Variants in NUGGC observed in about 807,000 individuals in gnomAD.
The protein encoded by NUGGC is nuclear GTPase SLIP-GC.
NUGGC carries 58 observed loss-of-function variants against 92.6 expected under a neutral mutation model. That is an observed-to-expected ratio of 0.63 (90% confidence interval 0.51 to 0.78). The LOEUF (loss-of-function observed/expected upper bound fraction) is 0.78, where lower values mean the gene tolerates loss of function less well. Among genes scored for constraint, NUGGC ranks in the 30% least tolerant of loss-of-function variants. The probability of loss-of-function intolerance (pLI) is 0.00; values close to 1 mark genes in which losing one functional copy is unlikely to be tolerated. For missense variants in NUGGC, 925 were observed against 964.6 expected (o/e 0.96, Z 0.54); for synonymous variants, 376 against 366.4 (o/e 1.03, Z -0.30).
At chr8:28,034,662 C>T (rs373116221) in intron 13 of NUGGC, among the ~76,000 whole-genome samples, 1 of 151,900 alleles carries the variant, frequency 6.6e-6, no homozygotes, top group African/African-American at 2.4e-5. Context: ...ACTAAAAATA[C>T]AAAAATTAGC....
Position 28,067,633 on chromosome 8 carries a change from A to G in NUGGC, c.592T>C (p.Trp198Arg), listed in dbSNP as rs769274984. 6.2e-7 allele frequency: 1 copy of G among 1,613,980 alleles called. No individual in the cohort carries two copies. Among genetic ancestry groups the G allele is most frequent in the Admixed American group, 1.7e-5 (1 of 60,028 alleles). The change falls in exon 6 of 19, where the codon TGG becomes CGG. Residue 198 changes from tryptophan to arginine, a missense_variant. Trp to Arg is a moderately radical substitution (Grantham distance 101). Coordinates refer to ENST00000413272, the MANE Select transcript of NUGGC (RefSeq NM_001010906.2). ...TTTCCATAAATCATTTGTAGCTTCC[A>G]GGTGGCTTCCTCCACTGCCTCATCC... ...NRDEAVEEAT[W>R]KLQMIYGNGA...
intron 11 of NUGGC, among the ~76,000 whole-genome samples, 170 bp from the exon 12 acceptor site, chr8:28,045,830 C>T (rs1809818448): frequency 1.3e-5 from 2 of 152,148 alleles, no homozygotes; most frequent in Admixed American, 1.3e-4. Flanking sequence ...TTTCCCATGT[C>T]TAGGATCAAT....
At chr8:28,048,819 T>C (rs988780683) in intron 10 of NUGGC, among the ~76,000 whole-genome samples, 11 of 143,184 alleles carry the variant, frequency 7.7e-5, no homozygotes, top group Non-Finnish European at 1.3e-4. Flanking sequence ...GCCAAGATCA[T>C]GCCACTGCAC....
intron 14 of NUGGC, among the ~76,000 whole-genome samples, chr8:28,032,020 G>T (rs963497704): frequency 2.6e-5 from 4 of 152,210 alleles, no homozygotes; most frequent in African/African-American, 9.6e-5. Context: ...GCTAATGCCT[G>T]CCAAGTGCTT....
chr8:28,025,789 A>C (rs565524220), intron 18 of NUGGC, among the ~76,000 whole-genome samples: 1 of 152,314 alleles, frequency 6.6e-6, no homozygotes, highest in South Asian at 2.1e-4. Flanking sequence ...TGGCAAACTC[A>C]AATGGCATCA....
intron 9 of NUGGC, among the ~76,000 whole-genome samples, chr8:28,057,330 C>CTTTTTTTTTTTTTT (rs57167648): frequency 2.6e-4 from 32 of 123,996 alleles, no homozygotes; most frequent in African/African-American, 2.8e-4. Flanking sequence ...ATTTTCTTTC[C>CTTTTTTTTTTTTTT]TTTTTTTTTT....
At chr8:28,024,616 G>A (rs571975603) in intron 18 of NUGGC, among the ~76,000 whole-genome samples, 1 of 152,326 alleles carries the variant, frequency 6.6e-6, no homozygotes, top group East Asian at 1.9e-4. Flanking sequence ...ACTGAGCCCT[G>A]AATGCCTTTC....
At chr8:28,029,958 A>C (rs74669462) in intron 16 of NUGGC, among the ~76,000 whole-genome samples, 2,653 of 152,308 alleles carry the variant, frequency 0.017, 93 homozygotes, top group African/African-American at 0.061. Context: ...AGAGCCACCA[A>C]AACAGGAAAG....
intron 6 of NUGGC, 62 bp downstream of exon 6, chr8:28,067,452 A>G: frequency 1.9e-6 from 2 of 1,063,818 alleles, no homozygotes; most frequent in South Asian, 1.4e-5. Context: ...CCCCTGAAAC[A>G]GGTTCAACTG....
Position 28,068,247 on chromosome 8 carries a change from T to A in NUGGC, c.449A>T (p.Tyr150Phe). 6.5e-7 allele frequency: 1 copy of A among 1,550,384 alleles called. No individual in the cohort carries two copies. Among genetic ancestry groups the A allele is most frequent in the South Asian group, 1.2e-5 (1 of 83,992 alleles). ...AGACAGAAGGTGGATTTTGGCCTCA[T>A]ACTGCACACAGCAGCCAGAGCTCAC... ...VQVSSGCCVQ[Y>F]EAKIHLLSDQ... is the part of the protein sequence containing the mutation. Residue 150 changes from tyrosine to phenylalanine, a missense_variant, in exon 5 of 19, where the codon TAT becomes TTT. Coordinates refer to ENST00000413272, the MANE Select transcript of NUGGC (RefSeq NM_001010906.2).
At position 28,060,492 on chromosome 8, in the gene NUGGC, C is replaced by T; in HGVS notation, c.1031G>A (p.Gly344Asp). The change falls in exon 8 of 19, where the codon GGC (glycine) becomes GAC (aspartate). Residue 344 changes from glycine to aspartate, a missense_variant. Physicochemically the swap from Gly to Asp is moderately conservative, Grantham distance 94. Transcript: ENST00000413272. Reference protein sequence around the residue: ...LNESIKACQRGFCRDVALVVT... With the variant: ...LNESIKACQRDFCRDVALVVT... ...CACCAGGGCCACGTCCCTACAGAAGCCCCGCTGGCAGGCTTTGATGCTCTC... is the reference window on the plus strand; with the variant it reads ...CACCAGGGCCACGTCCCTACAGAAGTCCCGCTGGCAGGCTTTGATGCTCTC... 6.2e-7 allele frequency: 1 copy of T among 1,613,928 alleles called. No homozygotes were observed. Among genetic ancestry groups the T allele is most frequent in the Non-Finnish European group, 8.5e-7 (1 of 1,179,880 alleles).
At chr8:28,075,352 G>A (rs183784502) in intron 1 of NUGGC, among the ~76,000 whole-genome samples, 7 of 152,204 alleles carry the variant, frequency 4.6e-5, no homozygotes, top group Admixed American at 6.5e-5. Context: ...AAGAAGAAGG[G>A]GCAGATCCAG....
intron 14 of NUGGC, among the ~76,000 whole-genome samples, 163 bp from the exon 15 acceptor site, chr8:28,031,544 C>T (rs114371250): frequency 5.3e-5 from 8 of 152,308 alleles, no homozygotes; most frequent in African/African-American, 1.9e-4. Context: ...CTGTGCCAGA[C>T]CTTTGACATA....
At chr8:28,058,217 T>G (rs1019495682) in intron 9 of NUGGC, 41 bp downstream of exon 9, 18 of 365,870 alleles carry the variant, frequency 4.9e-5, no homozygotes, top group Non-Finnish European at 7.0e-5. Context: ...AAATAGATAA[T>G]AATTTAAAAA....
intron 2 of NUGGC, among the ~76,000 whole-genome samples, chr8:28,072,630 A>C (rs1253650428): frequency 6.6e-6 from 1 of 152,206 alleles, no homozygotes; most frequent in African/African-American, 2.4e-5. Flanking sequence ...CAACTAAAGC[A>C]AATGCTAGGA....
chr8:28,052,348 A>G (rs1024252763), intron 10 of NUGGC, among the ~76,000 whole-genome samples: 2 of 152,124 alleles, frequency 1.3e-5, no homozygotes, highest in African/African-American at 4.8e-5. Flanking sequence ...TCCAAAATTC[A>G]CATGTTGAGG....
Position 28,041,060 on chromosome 8 carries a change from T to C in NUGGC, c.1602A>G (p.Ala534=), listed in dbSNP as rs1809684720. Residue 534 remains alanine, a synonymous_variant, in exon 13 of 19, where the codon GCA becomes GCG. Transcript: ENST00000413272. The part of the protein sequence containing the change: ...ARTSYRCILR[A]CLVRSKGNQG... ...TGGAAGGGTCACTCACCACCAAGCA[T>C]GCTCTGAGGATGCAGCGGTAAGAAG... 3 of 1,603,500 alleles carry C rather than the reference T, an allele frequency of 1.9e-6. No homozygotes were observed. The highest frequency in any genetic ancestry group is 2.3e-5 in the East Asian group (1 of 44,352).
chr8:28,041,753 T>C (rs1048830097), intron 12 of NUGGC, among the ~76,000 whole-genome samples: 1 of 152,206 alleles, frequency 6.6e-6, no homozygotes, highest in Admixed American at 6.5e-5. Flanking sequence ...TGGACCACAC[T>C]TTGCATAGCA....
At chr8:28,042,634 G>T (rs533396336) in intron 12 of NUGGC, among the ~76,000 whole-genome samples, 1 of 152,090 alleles carries the variant, frequency 6.6e-6, no homozygotes, top group African/African-American at 2.4e-5. Context: ...GCCTCCTGCC[G>T]TATGACATCT....
Sources: gnomAD v4.1 joint callset for allele counts (sites outside exome capture counted in the v4.1 genomes callset) on GRCh38, gnomAD v4.1.1 for gene constraint, MANE v1.5 for transcripts, NCBI Gene and HGNC (gene_info 2026-07-23, HGNC 2026-07-21) for gene names.